The following INO80D variants were observed in gnomAD, a reference collection of about 807,000 sequenced individuals.
INO80D encodes INO80 complex subunit D.
Under a neutral mutation model 87.6 loss-of-function variants are expected in INO80D, and 21 were observed. That is an observed-to-expected ratio of 0.24 (90% CI 0.17 to 0.35). INO80D has a LOEUF of 0.35. Ranked by LOEUF, INO80D falls within the 10% of genes least tolerant of loss-of-function variation. The probability of loss-of-function intolerance (pLI) is 1.00; values close to 1 mark genes in which losing one functional copy is unlikely to be tolerated. For synonymous variants in INO80D, 440 were observed against 491.0 expected (o/e 0.90, Z 1.37); for missense variants, 982 against 1,280.7 (o/e 0.77, Z 3.56).
chr2:206,008,090 T>TCATG, intron 9 of INO80D: 1 of 152,116 alleles, frequency 6.6e-6, no homozygotes, highest in Non-Finnish European at 1.5e-5. Context: ...CAAGAGATTC[T>TCATG]CCTTTCTCAG....
intron 5 of INO80D, among the ~76,000 whole-genome samples, chr2:206,032,466 C>T (rs1179029137): frequency 6.6e-6 from 1 of 152,198 alleles, no homozygotes; most frequent in Non-Finnish European, 1.5e-5. Flanking sequence ...CCATAATCCT[C>T]CTAAATACAC....
At chr2:206,042,555 G>A (rs753954838) in intron 5 of INO80D, among the ~76,000 whole-genome samples, 12 of 151,882 alleles carry the variant, frequency 7.9e-5, no homozygotes, top group African/African-American at 2.4e-4. Flanking sequence ...GGTGGCTGGC[G>A]CCTGTAATCC....
At chr2:206,028,650 T>C (rs990641641) in intron 5 of INO80D, among the ~76,000 whole-genome samples, 1 of 152,138 alleles carries the variant, frequency 6.6e-6, no homozygotes, top group East Asian at 1.9e-4. Flanking sequence ...AATTCATTTC[T>C]TTACCTTTAC....
intron 9 of INO80D, among the ~76,000 whole-genome samples, chr2:206,008,800 A>G (rs1322962732): frequency 2.6e-5 from 4 of 152,244 alleles, no homozygotes; most frequent in Non-Finnish European, 5.9e-5. Context: ...AATTTGGTGT[A>G]TCAAGTGTGT....
At chr2:206,006,400 C>T (rs993789253) in intron 10 of INO80D, among the ~76,000 whole-genome samples, 8 of 152,188 alleles carry the variant, frequency 5.3e-5, no homozygotes, top group Admixed American at 2.0e-4. Context: ...AACTCATGTT[C>T]GGCTGGGCGC....
chr2:206,015,009 C>T (rs952241794), intron 8 of INO80D, among the ~76,000 whole-genome samples: 21 of 152,146 alleles, frequency 1.4e-4, no homozygotes, highest in African/African-American at 5.1e-4. Flanking sequence ...TTTGCCCCTG[C>T]CCTAAAGACT....
At chr2:206,073,125 C>T (rs374637001) in intron 1 of INO80D, among the ~76,000 whole-genome samples, 1 of 152,280 alleles carries the variant, frequency 6.6e-6, no homozygotes, top group African/African-American at 2.4e-5. Context: ...GCGTGAGCCA[C>T]CACAACCAGC....
At chr2:206,010,389 G>A (rs1254634504) in intron 8 of INO80D, among the ~76,000 whole-genome samples, 1 of 151,736 alleles carries the variant, frequency 6.6e-6, no homozygotes, top group Non-Finnish European at 1.5e-5. Context: ...AAGCAGTACA[G>A]CCAAAACCAG....
chr2:206,006,526 T>C (rs1211111305), intron 10 of INO80D, among the ~76,000 whole-genome samples: 1 of 150,968 alleles, frequency 6.6e-6, no homozygotes, highest in Admixed American at 6.6e-5. Context: ...CTACTAAAAA[T>C]AGAAAAATTA....
chr2:206,054,615 G>A (rs562874303), intron 4 of INO80D, among the ~76,000 whole-genome samples: 3 of 152,082 alleles, frequency 2.0e-5, no homozygotes, highest in East Asian at 3.9e-4. Context: ...CCAGGTTCAC[G>A]CAATTCTCCC....
At chr2:206,043,372 A>G (rs889797332) in intron 5 of INO80D, among the ~76,000 whole-genome samples, 1 of 151,932 alleles carries the variant, frequency 6.6e-6, no homozygotes, top group African/African-American at 2.4e-5. Flanking sequence ...GGGTTTCACC[A>G]TGTTGGTAAG....
At chr2:206,080,679 G>A (rs1253765062) in intron 1 of INO80D, among the ~76,000 whole-genome samples, 4 of 151,922 alleles carry the variant, frequency 2.6e-5, no homozygotes, top group East Asian at 1.9e-4. Flanking sequence ...AGGCCAAGGC[G>A]GGCGGATCAC....
intron 1 of INO80D, among the ~76,000 whole-genome samples, chr2:206,070,820 C>T (rs1208946296): frequency 6.6e-6 from 1 of 151,214 alleles, no homozygotes; most frequent in East Asian, 1.9e-4. Flanking sequence ...TTTTTATCTA[C>T]TGACTTTGTA....
chr2:206,024,317 C>CA (rs1408482078), intron 6 of INO80D, among the ~76,000 whole-genome samples: 1 of 152,000 alleles, frequency 6.6e-6, no homozygotes, highest in Non-Finnish European at 1.5e-5. Flanking sequence ...TACAATGAAA[C>CA]AGAGTACAGA....
In INO80D at chr2:206,024,948, GCTTCA is replaced by G. The variant is rs915292734; in HGVS notation, c.1298+3158_1298+3162del. Among the ~76,000 whole-genome samples the G allele has an allele frequency of 2.6e-5, 4 of 151,908 alleles. No individual in the cohort carries two copies. The South Asian group carries it at 6.2e-4, about 24-fold the overall frequency. On this transcript the variant is annotated intron_variant, in intron 6 of 10. Transcript: ENST00000403263. ...TTTTTGTGTTTTTAGTAGAGACAAGGCTTCACTATGTTGGCCAGGCTGGTCTCGAA... is the reference window on the plus strand; with the variant it reads ...TTTTTGTGTTTTTAGTAGAGACAAGGCTATGTTGGCCAGGCTGGTCTCGAA...
rs950596398 is a variant in INO80D, at chr2:206,066,270, C to T, written c.-123-3026G>A. 2.8e-4 allele frequency among the ~76,000 whole-genome samples: 42 copies of T among 151,482 alleles called. 1 individual carries two copies. Among genetic ancestry groups the T allele is most frequent in the Admixed American group, 8.5e-4 (13 of 15,212 alleles). ...GACGATGTCTCAAAAAAAAAATAAA[C>T]AAATAAAATAACAGTATGAAGGTTC... On this transcript the variant is annotated intron_variant, in intron 1 of 10. Coordinates refer to ENST00000403263, the MANE Select transcript of INO80D (RefSeq NM_017759.5).
intron 10 of INO80D, among the ~76,000 whole-genome samples, chr2:206,005,964 T>A (rs560998926): frequency 4.3e-4 from 66 of 152,156 alleles, no homozygotes; most frequent in Middle Eastern, 3.4e-3. Context: ...CCTGTTCTAC[T>A]CCTGACTCTC....
intron 4 of INO80D, among the ~76,000 whole-genome samples, chr2:206,047,403 G>C (rs1010514867): frequency 6.6e-6 from 1 of 151,754 alleles, no homozygotes; most frequent in Non-Finnish European, 1.5e-5. Context: ...ATTTTTAGTA[G>C]AGATGGGGTT....
chr2:206,070,177 G>A (rs117341918), intron 1 of INO80D, among the ~76,000 whole-genome samples: 7,788 of 151,486 alleles, frequency 0.051, 242 homozygotes, highest in African/African-American at 0.08. Context: ...TTGGGAGGCC[G>A]AGGTGAGGTG....
Sources: gnomAD v4.1 joint callset for allele counts (sites outside exome capture counted in the v4.1 genomes callset) on GRCh38, gnomAD v4.1.1 for gene constraint, MANE v1.5 for transcripts, NCBI Gene and HGNC (gene_info 2026-07-23, HGNC 2026-07-21) for gene names.